The following COL6A5 variants were observed in gnomAD, a reference collection of about 807,000 sequenced individuals.
COL6A5 encodes the protein collagen alpha-5(VI) chain.
COL6A5 carries 48 observed loss-of-function variants against 65.6 expected under a neutral mutation model. That is an observed-to-expected ratio of 0.73 (90% CI 0.58 to 0.93). COL6A5 has a LOEUF of 0.93. COL6A5 is among the 40% of genes least tolerant of loss of function. The pLI is 0.00. For synonymous variants in COL6A5, 291 were observed against 322.8 expected (o/e 0.90, Z 1.05); for missense variants, 914 against 928.3 (o/e 0.98, Z 0.20).
chr3:130,437,966 G>A (rs569570462), intron 1 of COL6A5, among the ~76,000 whole-genome samples: 78 of 151,968 alleles, frequency 5.1e-4, no homozygotes, highest in Non-Finnish European at 8.8e-4. Flanking sequence ...CCACTAGAAC[G>A]TAAGATAGAG....
exon 6 of COL6A5, chr3:130,388,993 T>C: frequency 1.3e-6 from 2 of 1,548,848 alleles, no homozygotes; most frequent in Non-Finnish European, 1.7e-6. Flanking sequence ...TGTGACCATC[T>C]TCTCTGTAGG....
chr3:130,461,645 G>A (rs760426185), intron 5 of COL6A5, among the ~76,000 whole-genome samples: 43 of 151,894 alleles, frequency 2.8e-4, no homozygotes, highest in Admixed American at 1.8e-3. Flanking sequence ...CAAATGAGGA[G>A]ATATATCCAA....
intron 18 of COL6A5, 130 bp downstream of exon 18, chr3:130,409,518 G>T (rs961032418): frequency 2.8e-6 from 2 of 722,136 alleles, no homozygotes; most frequent in Middle Eastern, 2.6e-4. Flanking sequence ...ATAGGTGTTG[G>T]CTGAGGCTTT....
At chr3:130,379,044 T>C (rs1167776015) in intron 3 of COL6A5, among the ~76,000 whole-genome samples, 1 of 150,906 alleles carries the variant, frequency 6.6e-6, no homozygotes, top group Admixed American at 6.6e-5. Context: ...GTTCCTTCAC[T>C]TCACTAGTAG....
intron 7 of COL6A5, 59 bp from the exon 40 acceptor site, chr3:130,471,623 T>C: frequency 1.4e-6 from 2 of 1,467,708 alleles, no homozygotes; most frequent in Non-Finnish European, 1.8e-6. Flanking sequence ...GGTATTCACA[T>C]TTAATCTTGC....
At chr3:130,424,788 C>T (rs750178884) in intron 29 of COL6A5, among the ~76,000 whole-genome samples, 1 of 152,056 alleles carries the variant, frequency 6.6e-6, no homozygotes, top group African/African-American at 2.4e-5. Flanking sequence ...CCTAGTTATG[C>T]GAGTGAGAAT....
intron 23 of COL6A5, 102 bp downstream of exon 23, chr3:130,415,809 T>G: frequency 1.0e-6 from 1 of 983,658 alleles, no homozygotes; most frequent in Non-Finnish European, 1.4e-6. Flanking sequence ...TTTACATATA[T>G]ATTATTTCAT....
intron 1 of COL6A5, among the ~76,000 whole-genome samples, chr3:130,372,425 G>A (rs2107633804): frequency 6.6e-6 from 1 of 151,874 alleles, no homozygotes; most frequent in African/African-American, 2.4e-5. Context: ...TTCATCAACT[G>A]ACAATTAATG....
chr3:130,400,493 G>A (rs539437343), intron 10 of COL6A5, among the ~76,000 whole-genome samples: 3 of 152,342 alleles, frequency 2.0e-5, no homozygotes, highest in East Asian at 3.9e-4. Flanking sequence ...ATTAATGAGT[G>A]AATAGATGAA....
At chr3:130,403,864 G>A (rs970259239) in intron 13 of COL6A5, among the ~76,000 whole-genome samples, 16 of 151,982 alleles carry the variant, frequency 1.1e-4, no homozygotes, top group Non-Finnish European at 1.9e-4. Context: ...GTGCTTTTTT[G>A]TGGGAAGAAG....
At chr3:130,346,661 T>C (rs1216188562) in intron 1 of COL6A5, among the ~76,000 whole-genome samples, 1 of 152,210 alleles carries the variant, frequency 6.6e-6, no homozygotes, top group Non-Finnish European at 1.5e-5. Flanking sequence ...GGGAATTTTG[T>C]ACTCTCAGGA....
intron 10 of COL6A5, among the ~76,000 whole-genome samples, chr3:130,398,641 G>A (rs1387830384): frequency 6.6e-6 from 1 of 152,108 alleles, no homozygotes; most frequent in African/African-American, 2.4e-5. Flanking sequence ...ATATAGACAT[G>A]TGTCCTTGAC....
intron 14 of COL6A5, 23 bp downstream of exon 14, chr3:130,405,682 A>G (rs986001161): frequency 1.3e-6 from 2 of 1,512,484 alleles, no homozygotes; most frequent in African/African-American, 2.8e-5. Context: ...TGTAAATGTT[A>G]TTTCCAATTC....
chr3:130,376,601 T>A (rs1407566593), exon 3 of COL6A5: 5 of 1,609,564 alleles, frequency 3.1e-6, no homozygotes, highest in Non-Finnish European at 4.2e-6. Context: ...TGGCTTCGGC[T>A]GAGTCTGAGG....
At chr3:130,391,227 C>G (rs1398625832) in exon 7 of COL6A5, 2 of 1,551,452 alleles carry the variant, frequency 1.3e-6, no homozygotes, top group Non-Finnish European at 1.7e-6. Flanking sequence ...CTGGATCATT[C>G]AGGTAGCATA....
intron 1 of COL6A5, among the ~76,000 whole-genome samples, chr3:130,366,660 T>C (rs1205763491): frequency 1.3e-5 from 2 of 152,254 alleles, no homozygotes; most frequent in Admixed American, 1.3e-4. Flanking sequence ...ATATTTCCTT[T>C]TGATGTCTTT....
At chr3:130,428,441 A>G (rs1288856616), upstream of COL6A5, among the ~76,000 whole-genome samples, 1 of 152,074 alleles carries the variant, frequency 6.6e-6, no homozygotes, top group Non-Finnish European at 1.5e-5. Flanking sequence ...ATTAAGAGAG[A>G]AAGGGGGTGG....
At chr3:130,452,605 A>T (rs1442880044) in intron 4 of COL6A5, among the ~76,000 whole-genome samples, 2 of 152,168 alleles carry the variant, frequency 1.3e-5, no homozygotes, top group African/African-American at 4.8e-5. Flanking sequence ...TCACAAGGCA[A>T]ATGGAGGCAG....
At chr3:130,418,997 G>GGTTGA in intron 25 of COL6A5, 66 bp downstream of exon 25, 1 of 1,309,354 alleles carries the variant, frequency 7.6e-7, no homozygotes, top group Non-Finnish European at 1.1e-6. Flanking sequence ...AAAGAGAAGG[G>GGTTGA]GTTGACACCT....
Sources: allele counts gnomAD v4.1 joint callset (sites outside exome capture counted in the v4.1 genomes callset), GRCh38; gene constraint gnomAD v4.1.1; transcripts MANE v1.5; gene names NCBI Gene and HGNC (gene_info 2026-07-23, HGNC 2026-07-21).